CACNA1E: variants seen among roughly 807,000 people sequenced by gnomAD.
The protein encoded by CACNA1E is calcium voltage-gated channel subunit alpha1 E.
CACNA1E carries 40 observed loss-of-function variants against 259.2 expected under a neutral mutation model. The ratio of observed to expected loss-of-function variants is 0.15; its 90% CI spans 0.12 to 0.20. The LOEUF is 0.20. Ranked by LOEUF, CACNA1E falls within the 10% of genes least tolerant of loss-of-function variation. The probability of loss-of-function intolerance (pLI) is 1.00; values close to 1 mark genes in which losing one functional copy is unlikely to be tolerated. For missense variants in CACNA1E, 1,874 were observed against 3,040.1 expected (o/e 0.62, Z 9.02); for synonymous variants, 1,104 against 1,138.5 (o/e 0.97, Z 0.61).
chr1:181,677,289 A>G (rs768750087), intron 7 of CACNA1E, among the ~76,000 whole-genome samples: 7 of 152,212 alleles, frequency 4.6e-5, no homozygotes, highest in Non-Finnish European at 8.8e-5. Context: ...TAACTCCAGT[A>G]TGTCCCGTGT....
chr1:181,577,822 G>A lies in CACNA1E; in HGVS notation c.569G>A (p.Arg190Gln), dbSNP rs1469334984. The change falls in exon 4 of 48, where the codon CGG becomes CAG. Residue 190 changes from arginine to glutamine, a missense_variant. Coordinates refer to ENST00000367573, the MANE Select transcript of CACNA1E (RefSeq NM_001205293.3). ...FNTHVDLRTLRAVRVLRPLKL... is the reference protein window; with the variant it reads ...FNTHVDLRTLQAVRVLRPLKL... ...ACTCACGTGGACCTGAGGACCCTCC[G>A]GGCTGTGCGTGTCCTGCGGCCTTTG... is the stretch of plus-strand genomic sequence containing the variant. 1.2e-6 allele frequency: 2 copies of A among 1,611,964 alleles called. No individual in the cohort carries two copies. The highest frequency in any genetic ancestry group is 8.5e-7 in the Non-Finnish European group (1 of 1,179,106).
At chr1:181,450,284 G>A (rs373192436) in intron 2 of CACNA1E, among the ~76,000 whole-genome samples, 4 of 152,288 alleles carry the variant, frequency 2.6e-5, no homozygotes, top group African/African-American at 9.6e-5. Context: ...ATGAGATTTG[G>A]GTGGGGACAC....
chr1:181,677,484 T>C (rs992557868), intron 7 of CACNA1E, among the ~76,000 whole-genome samples: 2 of 152,194 alleles, frequency 1.3e-5, no homozygotes, highest in Non-Finnish European at 2.9e-5. Context: ...ACCTTAGATA[T>C]TTATATCGCA....
intron 6 of CACNA1E, among the ~76,000 whole-genome samples, chr1:181,616,530 G>A (rs193018419): frequency 6.6e-6 from 1 of 152,216 alleles, no homozygotes; most frequent in Non-Finnish European, 1.5e-5. Flanking sequence ...GGCCAACATG[G>A]TGAAACCCCA....
intron 2 of CACNA1E, among the ~76,000 whole-genome samples, chr1:181,418,465 T>TTAG (rs1658451051): frequency 6.6e-6 from 1 of 152,206 alleles, no homozygotes; most frequent in Non-Finnish European, 1.5e-5. Flanking sequence ...TCTTGCCCAG[T>TTAG]CCCAGACCTT....
At chr1:181,363,496 A>G (rs1039156702) in intron 1 of CACNA1E, among the ~76,000 whole-genome samples, 5 of 152,210 alleles carry the variant, frequency 3.3e-5, no homozygotes, top group African/African-American at 1.2e-4. Context: ...TGCTTCGAGG[A>G]GACAGAGGTA....
chr1:181,714,105 G>T (rs1347146070), intron 8 of CACNA1E, among the ~76,000 whole-genome samples: 3 of 152,126 alleles, frequency 2.0e-5, no homozygotes, highest in Non-Finnish European at 2.9e-5. Context: ...TAAAGGCTCG[G>T]TTCCACAGGA....
At position 181,799,850 on chromosome 1, in the gene CACNA1E, C is replaced by G. The variant is rs917226697; in HGVS notation, c.*1016C>G. ...ACCAGTGTGGAAGCAATTAAATATG[C>G]GTAACAGTGCTACGGCCACACCAGC... On this transcript the variant is annotated 3_prime_UTR_variant, in exon 48 of 48. Coordinates refer to ENST00000367573, the MANE Select transcript of CACNA1E (RefSeq NM_001205293.3). 1 of 152,228 alleles carries G rather than the reference C, an allele frequency of 6.6e-6. No individual in the cohort carries two copies. Among genetic ancestry groups the G allele is most frequent in the Non-Finnish European group, 1.5e-5 (1 of 68,130 alleles). 9.4% of individuals were successfully genotyped at this position (152,228 alleles called of 1,614,324 possible).
intron 3 of CACNA1E, among the ~76,000 whole-genome samples, chr1:181,515,262 C>T (rs1044710227): frequency 5.9e-5 from 9 of 152,170 alleles, no homozygotes. Context: ...TGTGTCCATC[C>T]TGAGACTTCT....
intron 2 of CACNA1E, among the ~76,000 whole-genome samples, chr1:181,429,500 A>G (rs1659556971): frequency 6.6e-6 from 1 of 152,210 alleles, no homozygotes. Flanking sequence ...GGCGCCTCTC[A>G]AGAAGTTTCA....
chr1:181,721,114 A>G (rs985169165), intron 15 of CACNA1E, among the ~76,000 whole-genome samples: 1 of 152,186 alleles, frequency 6.6e-6, no homozygotes, highest in Admixed American at 6.5e-5. Context: ...TGCAGGAGAC[A>G]CTGAGTCTGA....
At chr1:181,644,961 C>T (rs1236877968) in intron 6 of CACNA1E, among the ~76,000 whole-genome samples, 3 of 152,180 alleles carry the variant, frequency 2.0e-5, no homozygotes, top group South Asian at 2.1e-4. Context: ...ATCTGAAAAG[C>T]GTACAGGAGC....
chr1:181,575,117 T>C (rs1353358198), intron 3 of CACNA1E, among the ~76,000 whole-genome samples: 1 of 152,100 alleles, frequency 6.6e-6, no homozygotes, highest in African/African-American at 2.4e-5. Flanking sequence ...GTATTGGAAC[T>C]GTGGGAGTTA....
At chr1:181,779,406 T>C (rs1388943318) in intron 38 of CACNA1E, 1 of 415,296 alleles carries the variant, frequency 2.4e-6, no homozygotes, top group South Asian at 1.8e-5. Context: ...TACCCTTCTC[T>C]GAGTGTCCTA....
At chr1:181,644,852 C>G (rs904927384) in intron 6 of CACNA1E, among the ~76,000 whole-genome samples, 1 of 152,188 alleles carries the variant, frequency 6.6e-6, no homozygotes, top group Admixed American at 6.5e-5. Flanking sequence ...CCATTGATAA[C>G]TCCTACATTA....
At chr1:181,509,372 C>A (rs1162678419) in intron 1 of CACNA1E, among the ~76,000 whole-genome samples, 1 of 152,158 alleles carries the variant, frequency 6.6e-6, no homozygotes, top group Non-Finnish European at 1.5e-5. Flanking sequence ...AGGCCCTGCA[C>A]CCTACACAGC....
At chr1:181,797,979 C>T (rs1661958516) in intron 47 of CACNA1E, among the ~76,000 whole-genome samples, 1 of 152,164 alleles carries the variant, frequency 6.6e-6, no homozygotes, top group South Asian at 2.1e-4. Context: ...ACCTGCCACC[C>T]CTAGCATCAC....
At position 181,783,696 on chromosome 1, in the gene CACNA1E, C is replaced by A; in HGVS notation, c.5382C>A (p.Asn1794Lys). 6.2e-7 allele frequency: 1 copy of A among 1,602,022 alleles called. No individual in the cohort carries two copies. Among genetic ancestry groups the A allele is most frequent in the Non-Finnish European group, 8.5e-7 (1 of 1,171,224 alleles). The change falls in exon 40 of 48, where the codon AAC becomes AAA. Residue 1794 changes from asparagine (N) to lysine (K), a missense_variant. Asn to Lys is a moderately conservative substitution (Grantham distance 94, BLOSUM62 0). Transcript: ENST00000367573. ...TCACACAGAGGTTGGTCCTGATGAA[C>A]ATGCCAGTAGCTGAGGACATGACGG... Reference protein sequence around the residue: ...KVAYKRLVLMNMPVAEDMTVH... With the variant: ...KVAYKRLVLMKMPVAEDMTVH...
intron 2 of CACNA1E, among the ~76,000 whole-genome samples, chr1:181,423,680 C>CTTTTTTTTTTTTTTTTTT (rs1658937609): frequency 1.3e-5 from 1 of 74,608 alleles, no homozygotes; most frequent in Admixed American, 1.5e-4. Context: ...TTTTTTTTTG[C>CTTTTTTTTTTTTTTTTTT]TGGCCTTTTG....
Sources: allele counts gnomAD v4.1 joint callset (sites outside exome capture counted in the v4.1 genomes callset), GRCh38; gene constraint gnomAD v4.1.1; transcripts MANE v1.5; gene names NCBI Gene and HGNC (gene_info 2026-07-23, HGNC 2026-07-21).